The following XNDC1N variants were observed in gnomAD, a reference collection of about 807,000 sequenced individuals.
The protein encoded by XNDC1N is XRCC1 N-terminal domain containing 1, N-terminal like, also known as protein XNDC1N.
chr11:71,892,734 T>C, the XNDC1N span, among the ~76,000 whole-genome samples: 1 of 152,102 alleles, frequency 6.6e-6, no homozygotes, highest in East Asian at 1.9e-4. Context: ...TTGGTCAGGC[T>C]GGTCTGGAAC....
chr11:71,899,918 G>A, the XNDC1N span, among the ~76,000 whole-genome samples: 10 of 145,580 alleles, frequency 6.9e-5, no homozygotes, highest in East Asian at 2.0e-4. Context: ...TATAAAACCC[G>A]ATTGTACATT....
the XNDC1N span, chr11:71,928,518 G>A: frequency 1.4e-6 from 1 of 702,598 alleles, no homozygotes; most frequent in African/African-American, 1.7e-5. Context: ...GGGGCTTCAA[G>A]AAGCTGCTGT....
chr11:71,886,828 G>A, the XNDC1N span, among the ~76,000 whole-genome samples: 1 of 152,268 alleles, frequency 6.6e-6, no homozygotes, highest in Admixed American at 6.5e-5. Context: ...CAGGCCCGGC[G>A]ATATGCCGAC....
the XNDC1N span, among the ~76,000 whole-genome samples, chr11:71,883,311 A>G: frequency 6.6e-6 from 1 of 152,154 alleles, no homozygotes; most frequent in Non-Finnish European, 1.5e-5. Flanking sequence ...AAACAAAGCT[A>G]GGGGCATCAC....
the XNDC1N span, among the ~76,000 whole-genome samples, chr11:71,911,453 G>A: frequency 5.9e-5 from 9 of 152,268 alleles, no homozygotes; most frequent in African/African-American, 2.2e-4. Flanking sequence ...TATGTGGATG[G>A]GAGCAGCTTC....
At chr11:71,872,559 TA>T in the XNDC1N span, among the ~76,000 whole-genome samples, 151,651 of 151,656 alleles carry the variant, frequency 1, 75,823 homozygotes, top group Middle Eastern at 1. Flanking sequence ...CCATCTCTAC[TA>T]AAAAAATACC....
the XNDC1N span, chr11:71,878,506 T>G: frequency 6.2e-7 from 1 of 1,611,266 alleles, no homozygotes; most frequent in South Asian, 1.1e-5. Context: ...CCACAGTTCC[T>G]CCAAGTAAGG....
the XNDC1N span, among the ~76,000 whole-genome samples, chr11:71,870,226 A>G: frequency 2.6e-5 from 4 of 152,264 alleles, no homozygotes; most frequent in South Asian, 8.3e-4. Flanking sequence ...GCCAAACCAT[A>G]TCACTGTCCT....
the XNDC1N span, among the ~76,000 whole-genome samples, chr11:71,895,190 G>A: frequency 6.6e-6 from 1 of 152,068 alleles, no homozygotes; most frequent in Non-Finnish European, 1.5e-5. Context: ...GCTCCAAAGA[G>A]TAAGAGCAGA....
chr11:71,881,592 C>G, the XNDC1N span, among the ~76,000 whole-genome samples: 1 of 151,494 alleles, frequency 6.6e-6, no homozygotes. Context: ...CCATATTGCA[C>G]GAGGGCCATA....
At chr11:71,919,093 T>C in the XNDC1N span, 1 of 688,620 alleles carries the variant, frequency 1.5e-6, no homozygotes, top group Non-Finnish European at 2.7e-6. Context: ...TGCCCATGAA[T>C]GAGGGATCGC....
At chr11:71,884,179 A>T in the XNDC1N span, 2 of 389,406 alleles carry the variant, frequency 5.1e-6, no homozygotes, top group Non-Finnish European at 9.0e-6. Context: ...TCTCATTTAA[A>T]ATTCTGTACA....
At chr11:71,919,929 C>CTTCTTTTTTTTTTTTTTTTTTTT in the XNDC1N span, among the ~76,000 whole-genome samples, 1 of 26,590 alleles carries the variant, frequency 3.8e-5, no homozygotes. Flanking sequence ...AAGCAGGCCT[C>CTTCTTTTTTTTTTTTTTTTTTTT]TTTTTTTTTT....
At chr11:71,912,681 G>GA in the XNDC1N span, among the ~76,000 whole-genome samples, 1 of 152,094 alleles carries the variant, frequency 6.6e-6, no homozygotes, top group African/African-American at 2.4e-5. Context: ...AGGCGTGGGG[G>GA]ATGAACACCC....
At chr11:71,879,337 A>T in the XNDC1N span, among the ~76,000 whole-genome samples, 1 of 152,202 alleles carries the variant, frequency 6.6e-6, no homozygotes, top group African/African-American at 2.4e-5. Flanking sequence ...CTAGCCAATT[A>T]TATATAAGCA....
the XNDC1N span, among the ~76,000 whole-genome samples, chr11:71,912,761 C>A: frequency 1.2e-3 from 188 of 152,196 alleles, no homozygotes; most frequent in African/African-American, 4.2e-3. Flanking sequence ...GATGTACAGA[C>A]CCTGCGACCT....
chr11:71,891,829 C>G, the XNDC1N span, among the ~76,000 whole-genome samples: 13 of 149,726 alleles, frequency 8.7e-5, no homozygotes, highest in African/African-American at 2.8e-4. Context: ...CCCACGATGA[C>G]GGGAGTCATG....
At chr11:71,898,583 G>T in the XNDC1N span, among the ~76,000 whole-genome samples, 4 of 152,120 alleles carry the variant, frequency 2.6e-5, no homozygotes, top group Non-Finnish European at 5.9e-5. Flanking sequence ...CTCCAGCCGG[G>T]GTGACAGAGA....
At chr11:71,912,147 G>A in the XNDC1N span, among the ~76,000 whole-genome samples, 750 of 152,244 alleles carry the variant, frequency 4.9e-3, 12 homozygotes, top group East Asian at 0.073. Context: ...GTGAGGCAGC[G>A]GTGTGTTACC....
Sources: gnomAD v4.1 joint callset for allele counts (sites outside exome capture counted in the v4.1 genomes callset) on GRCh38, gnomAD v4.1.1 for gene constraint, MANE v1.5 for transcripts, NCBI Gene and HGNC (gene_info 2026-07-23, HGNC 2026-07-21) for gene names.